The following PPFIBP2 variants were observed in gnomAD, a reference collection of about 807,000 sequenced individuals.
The protein encoded by PPFIBP2 is liprin-beta-2.
A neutral mutation model predicts 118.3 loss-of-function variants in PPFIBP2; 118 were observed. That is an observed-to-expected ratio of 1.00 (90% CI 0.86 to 1.16). The LOEUF is 1.16. Among genes scored for constraint, PPFIBP2 ranks in the 50% most tolerant of loss-of-function variants. The pLI, the probability that PPFIBP2 is intolerant of heterozygous loss-of-function variation, is 0.00. For synonymous variants in PPFIBP2, 414 were observed against 397.4 expected (o/e 1.04, Z -0.50); for missense variants, 1,195 against 1,073.1 (o/e 1.11, Z -1.59).
chr11:7,638,293 G>A (rs1284350000), intron 14 of PPFIBP2, among the ~76,000 whole-genome samples: 4 of 152,178 alleles, frequency 2.6e-5, no homozygotes, highest in Admixed American at 2.6e-4. Context: ...GGTCTTGACC[G>A]TATGTCTGAT....
At chr11:7,661,139 C>CT (rs1854882610), downstream of PPFIBP2, among the ~76,000 whole-genome samples, 1 of 151,362 alleles carries the variant, frequency 6.6e-6, no homozygotes, top group Non-Finnish European at 1.5e-5. Context: ...TTTTGTGTCT[C>CT]TATTTCCTTC....
chr11:7,657,141 A>G, downstream of PPFIBP2: 1 of 222,696 alleles, frequency 4.5e-6, no homozygotes. Context: ...AGGCTCTCAC[A>G]CTCGAGGGGA....
At chr11:7,666,344 C>A in the PPFIBP2 span, 1 of 731,968 alleles carries the variant, frequency 1.4e-6, no homozygotes, top group East Asian at 2.5e-5. Context: ...TTAACCCCCA[C>A]ATCTGGTCCT....
At chr11:7,545,717 T>G (rs898460976) in intron 1 of PPFIBP2, among the ~76,000 whole-genome samples, 1 of 152,162 alleles carries the variant, frequency 6.6e-6, no homozygotes, top group Admixed American at 6.5e-5. Flanking sequence ...TTGGTCTCCT[T>G]CCAGTTTGCT....
At chr11:7,657,242 C>G (rs774815546), downstream of PPFIBP2, 2 of 167,116 alleles carry the variant, frequency 1.2e-5, no homozygotes, top group African/African-American at 2.4e-5. Flanking sequence ...GAAATGGTCA[C>G]CAGGAGGTCC....
chr11:7,635,940 T>C (rs893946558), intron 14 of PPFIBP2, among the ~76,000 whole-genome samples: 1 of 152,194 alleles, frequency 6.6e-6, no homozygotes, highest in Admixed American at 6.5e-5. Context: ...CTTTCTGTGC[T>C]GATATGTCAT....
intron 2 of PPFIBP2, among the ~76,000 whole-genome samples, chr11:7,558,462 T>C (rs1418667573): frequency 6.6e-6 from 1 of 152,152 alleles, no homozygotes; most frequent in Non-Finnish European, 1.5e-5. Context: ...AAAGCGATCA[T>C]TAAAAGGCTT....
chr11:7,535,377 G>A (rs1851108823), intron 1 of PPFIBP2, among the ~76,000 whole-genome samples: 1 of 152,220 alleles, frequency 6.6e-6, no homozygotes, highest in Admixed American at 6.5e-5. Flanking sequence ...TGCGGCTGGG[G>A]TATCAGGAAC....
rs143100445 is a variant in PPFIBP2 at position 7,524,948 on chromosome 11, T to C, written c.-37+10827T>C. Among the ~76,000 whole-genome samples, 26 of 152,338 alleles carry C rather than the reference T, an allele frequency of 1.7e-4. No homozygotes were observed. The Middle Eastern group carries it at 0.01, about 60-fold the overall frequency. On this transcript the variant is annotated intron_variant, in intron 1 of 23. Transcript: ENST00000299492. ...ACCAACCAGCCAAGACATCTGGTTCTTGGATGCATGTGCTCACCTGGTAAC... is the reference window on the plus strand; with the variant it reads ...ACCAACCAGCCAAGACATCTGGTTCCTGGATGCATGTGCTCACCTGGTAAC...
At chr11:7,666,917 G>A in the PPFIBP2 span, 1 of 181,050 alleles carries the variant, frequency 5.5e-6, no homozygotes, top group African/African-American at 2.4e-5. Flanking sequence ...ACTGGAACAA[G>A]CTCAGTGCAG....
the PPFIBP2 span, among the ~76,000 whole-genome samples, chr11:7,662,498 G>A: frequency 1.2e-4 from 18 of 151,514 alleles, no homozygotes. Context: ...TGGCTTGTAG[G>A]GTTTCTGCTG....
chr11:7,631,468 T>C (rs992751048), intron 11 of PPFIBP2, among the ~76,000 whole-genome samples: 7 of 152,088 alleles, frequency 4.6e-5, no homozygotes, highest in African/African-American at 1.7e-4. Flanking sequence ...ACCTCTGAAA[T>C]GCCGCATTCC....
intron 1 of PPFIBP2, among the ~76,000 whole-genome samples, chr11:7,522,478 C>A (rs1849844026): frequency 6.6e-6 from 1 of 152,106 alleles, no homozygotes; most frequent in African/African-American, 2.4e-5. Flanking sequence ...AGAAACCTAC[C>A]CAAGATCACT....
At chr11:7,580,336 T>C (rs1233339978) in intron 3 of PPFIBP2, among the ~76,000 whole-genome samples, 2 of 152,156 alleles carry the variant, frequency 1.3e-5, no homozygotes, top group African/African-American at 2.4e-5. Flanking sequence ...GTGCTTCAGC[T>C]GAGGTGGTGT....
Position 7,651,858 on chromosome 11 carries a change from C to G in PPFIBP2, c.2436+14C>G. 1 of 1,601,200 alleles carries G rather than the reference C, an allele frequency of 6.2e-7. No homozygotes were observed. Among genetic ancestry groups the G allele is most frequent in the Non-Finnish European group, 8.5e-7 (1 of 1,170,410 alleles). On this transcript the variant is annotated intron_variant, in intron 23 of 23. Coordinates refer to ENST00000299492, the MANE Select transcript of PPFIBP2 (RefSeq NM_003621.5). ...GCCAAAGTCCGGGTGAGTTGCAGAG[C>G]CTTTCTGGGTGGGCCCTGGGCTGCC...
chr11:7,619,408 G>A (rs959999464), intron 6 of PPFIBP2, among the ~76,000 whole-genome samples: 1 of 152,192 alleles, frequency 6.6e-6, no homozygotes, highest in Admixed American at 6.5e-5. Flanking sequence ...TGTGGCTAGA[G>A]CATAACTAGG....
Position 7,625,678 on chromosome 11 carries a change from C to T in PPFIBP2, c.712-99C>T. 2 of 892,860 alleles carry T rather than the reference C, an allele frequency of 2.2e-6. 1 individual carries two copies. The highest frequency in any genetic ancestry group is 3.0e-5 in the South Asian group (2 of 66,406). 55.3% of individuals were successfully genotyped at this position (892,860 alleles called of 1,614,324 possible). A position where few individuals can be genotyped will look rare whatever the true frequency, so the allele number is the denominator to read the frequency against. ...TCACCTCTTCTCCTAACTCCTGATG[C>T]ACCCTGGTGCCTGATGGGGTCTGGA... On this transcript the variant is annotated intron_variant, in intron 7 of 23. Coordinates refer to ENST00000299492, the MANE Select transcript of PPFIBP2 (RefSeq NM_003621.5).
intron 4 of PPFIBP2, among the ~76,000 whole-genome samples, chr11:7,594,107 C>G (rs1400393363): frequency 6.6e-6 from 1 of 152,136 alleles, no homozygotes; most frequent in Non-Finnish European, 1.5e-5. Flanking sequence ...GCTTGGAGCA[C>G]TAAGGTTATG....
At chr11:7,650,132 A>G (rs1033692793) in intron 21 of PPFIBP2, among the ~76,000 whole-genome samples, 1 of 152,162 alleles carries the variant, frequency 6.6e-6, no homozygotes, top group East Asian at 1.9e-4. Context: ...GAAATAGTAT[A>G]CGTAAATAAC....
Sources: allele counts gnomAD v4.1 joint callset (sites outside exome capture counted in the v4.1 genomes callset), GRCh38; gene constraint gnomAD v4.1.1; transcripts MANE v1.5; gene names NCBI Gene and HGNC (gene_info 2026-07-23, HGNC 2026-07-21).